WIF1: variants seen among roughly 807,000 people sequenced by gnomAD.
WIF1 encodes the protein Wnt inhibitory factor 1.
WIF1 carries 35 observed loss-of-function variants against 53.5 expected under a neutral mutation model. That is an observed-to-expected ratio of 0.65 (90% CI 0.50 to 0.87). The LOEUF (loss-of-function observed/expected upper bound fraction) is 0.87. WIF1 is among the 40% of genes least tolerant of loss of function. The pLI is 0.00. For synonymous variants in WIF1, 171 were observed against 170.4 expected (o/e 1.00, Z -0.03); for missense variants, 467 against 476.8 (o/e 0.98, Z 0.19).
At chr12:65,060,647 T>A (rs1882598048) in intron 7 of WIF1, among the ~76,000 whole-genome samples, 1 of 152,206 alleles carries the variant, frequency 6.6e-6, no homozygotes, top group South Asian at 2.1e-4. Flanking sequence ...ATCTTGTGAA[T>A]AACCCGAATG....
At chr12:65,055,042 G>GC in intron 9 of WIF1, 76 bp downstream of exon 9, 1 of 1,451,548 alleles carries the variant, frequency 6.9e-7, no homozygotes, top group Non-Finnish European at 9.5e-7. Flanking sequence ...GAAAAGGCTG[G>GC]CCCTTCTTCT....
intron 2 of WIF1, among the ~76,000 whole-genome samples, chr12:65,113,794 G>A (rs552557907): frequency 6.6e-6 from 1 of 152,210 alleles, no homozygotes; most frequent in African/African-American, 2.4e-5. Flanking sequence ...AACGTTAAAG[G>A]TTGAAAGCTG....
intron 7 of WIF1, among the ~76,000 whole-genome samples, chr12:65,061,503 CT>C (rs1218212484): frequency 6.6e-6 from 1 of 152,144 alleles, no homozygotes; most frequent in Non-Finnish European, 1.5e-5. Context: ...GCTATCTGTT[CT>C]TCTGGATTGT....
intron 2 of WIF1, 42 bp downstream of exon 2, chr12:65,120,374 TA>T (rs1162554117): frequency 2.5e-6 from 4 of 1,595,922 alleles, no homozygotes; most frequent in Non-Finnish European, 3.4e-6. Flanking sequence ...CCACCTGCCA[TA>T]AGGCAGTGGA....
chr12:65,108,728 A>G (rs1006025923), intron 2 of WIF1, among the ~76,000 whole-genome samples: 1 of 152,142 alleles, frequency 6.6e-6, no homozygotes, highest in Non-Finnish European at 1.5e-5. Context: ...CAAGCATCCC[A>G]TCATCTACCT....
intron 2 of WIF1, among the ~76,000 whole-genome samples, chr12:65,100,403 T>C (rs1883265229): frequency 1.3e-5 from 2 of 152,154 alleles, no homozygotes; most frequent in African/African-American, 4.8e-5. Flanking sequence ...AACAAAAATG[T>C]AGGCACAAAT....
chr12:65,109,070 C>T (rs942860641), intron 2 of WIF1, among the ~76,000 whole-genome samples: 4 of 152,228 alleles, frequency 2.6e-5, no homozygotes, highest in Non-Finnish European at 4.4e-5. Flanking sequence ...TTCCTCAGTT[C>T]TGTTCCATAA....
chr12:65,110,161 C>G (rs980418251), intron 2 of WIF1, among the ~76,000 whole-genome samples: 1 of 152,098 alleles, frequency 6.6e-6, no homozygotes, highest in South Asian at 2.1e-4. Flanking sequence ...AGTGTTAGGG[C>G]CTAAATGGGT....
intron 4 of WIF1, among the ~76,000 whole-genome samples, chr12:65,068,393 G>A (rs1412347947): frequency 1.3e-5 from 2 of 152,086 alleles, no homozygotes; most frequent in African/African-American, 4.8e-5. Context: ...TGGTAATTAT[G>A]AGCCACCTTG....
At chr12:65,066,773 G>A (rs763048765) in intron 5 of WIF1, 37 bp from the exon 6 acceptor site, 2 of 1,491,814 alleles carry the variant, frequency 1.3e-6, no homozygotes, top group South Asian at 1.3e-5. Flanking sequence ...AGGCCAAATG[G>A]TATTTTGGAG....
intron 2 of WIF1, among the ~76,000 whole-genome samples, chr12:65,099,893 C>A (rs1379911445): frequency 6.6e-6 from 1 of 151,968 alleles, no homozygotes; most frequent in African/African-American, 2.4e-5. Context: ...CTTGTTAATC[C>A]CACTCTACTT....
In WIF1 at chr12:65,051,439, C is replaced by A; in HGVS notation, c.1050G>T (p.Arg350Ser). ...GCTGCCTGAGCTGGGCGCCTGCTGG[C>A]CTCAGGGCATGTATGAGGCTGGCTT... is the stretch of plus-strand genomic sequence containing the variant. ...RYEASLIHALRPAGAQLRQHT... is the reference protein window; with the variant it reads ...RYEASLIHALSPAGAQLRQHT... The change falls in exon 10 of 10, where the codon AGG becomes AGT. Residue 350 changes from arginine to serine, a missense_variant. Coordinates refer to ENST00000286574, the MANE Select transcript of WIF1 (RefSeq NM_007191.5). 1 of 1,612,944 alleles carries A rather than the reference C, an allele frequency of 6.2e-7. No individual in the cohort carries two copies.
At chr12:65,089,673 A>G (rs560515382) in intron 2 of WIF1, among the ~76,000 whole-genome samples, 85 of 152,214 alleles carry the variant, frequency 5.6e-4, no homozygotes, top group Non-Finnish European at 1.0e-3. Context: ...ATCTTATTTC[A>G]TACTCTATGC....
chr12:65,107,233 G>A (rs1883364348), intron 2 of WIF1, among the ~76,000 whole-genome samples: 1 of 152,192 alleles, frequency 6.6e-6, no homozygotes, highest in African/African-American at 2.4e-5. Flanking sequence ...AGTTCTAACT[G>A]TGAATAAAAA....
In WIF1 at chr12:65,104,181, C is replaced by T. The variant is rs144505837; in HGVS notation, c.288+16236G>A. 2.6e-5 allele frequency among the ~76,000 whole-genome samples: 4 copies of T among 152,144 alleles called. No homozygotes were observed. In the East Asian group the frequency reaches 5.8e-4, roughly 22 times the overall value. ...CAGACAGTAAATGCCCCATATATGC[C>T]CGTTCTTATTATTAGGTTAAATCAC... On this transcript the variant is annotated intron_variant, in intron 2 of 9. Coordinates refer to ENST00000286574, the MANE Select transcript of WIF1 (RefSeq NM_007191.5).
At chr12:65,090,084 A>G (rs994054115) in intron 2 of WIF1, among the ~76,000 whole-genome samples, 1 of 152,226 alleles carries the variant, frequency 6.6e-6, no homozygotes, top group Non-Finnish European at 1.5e-5. Flanking sequence ...AAGTTCAAGT[A>G]TACTTGCAAA....
intron 7 of WIF1, 29 bp downstream of exon 7, chr12:65,062,452 T>G: frequency 6.3e-7 from 1 of 1,582,690 alleles, no homozygotes; most frequent in South Asian, 1.1e-5. Flanking sequence ...TCTCCCCAAG[T>G]CAAAAGAACG....
chr12:65,108,001 T>C lies in WIF1; in HGVS notation c.288+12416A>G, dbSNP rs367640292. Among the ~76,000 whole-genome samples the C allele has an allele frequency of 7.2e-5, 11 of 152,326 alleles. 1 individual carries two copies. Among genetic ancestry groups the C allele is most frequent in the African/African-American group, 2.6e-4 (11 of 41,576 alleles). On this transcript the variant is annotated intron_variant, in intron 2 of 9. Coordinates refer to ENST00000286574, the MANE Select transcript of WIF1 (RefSeq NM_007191.5). ...AAAGTTGTTCCACTTGTTAGTATCT[T>C]AGTGTGACAGTCTCAGAGTATGCTC... is the stretch of plus-strand genomic sequence containing the variant.
intron 2 of WIF1, among the ~76,000 whole-genome samples, chr12:65,087,191 C>T (rs1446056770): frequency 6.6e-6 from 1 of 151,944 alleles, no homozygotes; most frequent in East Asian, 1.9e-4. Context: ...AAGCAATTAC[C>T]CTCACACCTT....
Sources: allele counts gnomAD v4.1 joint callset (sites outside exome capture counted in the v4.1 genomes callset), GRCh38; gene constraint gnomAD v4.1.1; transcripts MANE v1.5; gene names NCBI Gene and HGNC (gene_info 2026-07-23, HGNC 2026-07-21).